RPH3AL: variants seen among roughly 807,000 people sequenced by gnomAD.
RPH3AL encodes the protein rabphilin 3A like (without C2 domains).
In RPH3AL, 38 loss-of-function variants were observed where a neutral mutation model predicts 43.1. The ratio of observed to expected loss-of-function variants is 0.88; its 90% confidence interval spans 0.68 to 1.15. The LOEUF is 1.15. RPH3AL is among the 50% of genes most tolerant of loss of function. RPH3AL has a pLI of 0.00. For missense variants in RPH3AL, 462 were observed against 423.2 expected (o/e 1.09, Z -0.81); for synonymous variants, 189 against 176.3 (o/e 1.07, Z -0.57).
At chr17:243,264 A>T (rs1363341776) in intron 7 of RPH3AL, among the ~76,000 whole-genome samples, 2 of 127,650 alleles carry the variant, frequency 1.6e-5, no homozygotes, top group African/African-American at 3.1e-5. Flanking sequence ...TCTATTGATT[A>T]CCCTTCCTCT....
At chr17:302,115 G>A (rs1330250766) in intron 5 of RPH3AL, among the ~76,000 whole-genome samples, 2 of 152,234 alleles carry the variant, frequency 1.3e-5, no homozygotes, top group Non-Finnish European at 2.9e-5. Context: ...GCACAGAGGC[G>A]AGAGCTTCGG....
In RPH3AL at chr17:293,284, G is replaced by C. The variant is rs573406315; in HGVS notation, c.352-11430C>G. Among the ~76,000 whole-genome samples, 164 of 152,330 alleles carry C rather than the reference G, an allele frequency of 1.1e-3. 1 individual carries two copies. The highest frequency in any genetic ancestry group is 3.6e-3 in the African/African-American group (150 of 41,568). On this transcript the variant is annotated intron_variant, in intron 5 of 9. Transcript: ENST00000331302. Reference sequence around the variant, plus strand: ...ACTCATGCAGTTACCACTGCGTCCCGAGTGGAGAGGAGGGTTAAAAAAGGC... The same window carrying C: ...ACTCATGCAGTTACCACTGCGTCCCCAGTGGAGAGGAGGGTTAAAAAAGGC...
intron 5 of RPH3AL, among the ~76,000 whole-genome samples, chr17:286,907 G>C (rs36047229): frequency 0.22 from 27,237 of 122,124 alleles, 2,717 homozygotes; most frequent in East Asian, 0.36. Context: ...TTCAGACCTC[G>C]CACCCTCTCT....
At chr17:314,680 GA>G (rs66531737) in intron 5 of RPH3AL, among the ~76,000 whole-genome samples, 5,228 of 35,040 alleles carry the variant, frequency 0.15, 66 homozygotes, top group East Asian at 0.19. Context: ...TAGTCTCTGT[GA>G]CTCCACCTCC....
chr17:335,083 G>A (rs940828666), intron 1 of RPH3AL, among the ~76,000 whole-genome samples: 5 of 152,226 alleles, frequency 3.3e-5, no homozygotes, highest in Admixed American at 1.3e-4. Flanking sequence ...TCCGACCCAC[G>A]GTGAGCGTGG....
chr17:312,592 G>A (rs564855525), intron 5 of RPH3AL, among the ~76,000 whole-genome samples: 17 of 152,318 alleles, frequency 1.1e-4, no homozygotes, highest in African/African-American at 2.9e-4. Context: ...TTGGTAACAC[G>A]TGTGTGGCCT....
intron 6 of RPH3AL, among the ~76,000 whole-genome samples, chr17:281,553 C>G (rs2042778871): frequency 6.6e-6 from 1 of 152,002 alleles, no homozygotes; most frequent in Non-Finnish European, 1.5e-5. Flanking sequence ...GGGGAAGTGG[C>G]CACAGGCTGT....
chr17:321,225 A>G lies in RPH3AL; in HGVS notation c.221+47T>C, dbSNP rs2044461114. 5 of 1,581,656 alleles carry G rather than the reference A, an allele frequency of 3.2e-6. No individual in the cohort carries two copies. The South Asian group carries it at 4.5e-5, about 14-fold the overall frequency. On this transcript the variant is annotated intron_variant, in intron 4 of 9. Coordinates refer to ENST00000331302, the MANE Select transcript of RPH3AL (RefSeq NM_006987.4). ...CCTCCCAGTCCCCTGCGCTTGCGCC[A>G]AAGCCCTTGCTGTCCTCCCACTGAG...
chr17:244,403 AG>A (rs1161094433), intron 7 of RPH3AL, among the ~76,000 whole-genome samples: 1 of 151,334 alleles, frequency 6.6e-6, no homozygotes, highest in Non-Finnish European at 1.5e-5. Flanking sequence ...TGTGGGATGT[AG>A]GGAGAGGGAG....
At chr17:352,021 A>G (rs770999987) in intron 1 of RPH3AL, among the ~76,000 whole-genome samples, 6 of 152,180 alleles carry the variant, frequency 3.9e-5, no homozygotes, top group South Asian at 2.1e-4. Context: ...TCAACTGGCC[A>G]CGCGGCCTTC....
chr17:300,260 T>C (rs12942161), intron 5 of RPH3AL, among the ~76,000 whole-genome samples: 40 of 47,986 alleles, frequency 8.3e-4, no homozygotes, highest in African/African-American at 2.0e-3. Context: ...CAGAATCTCT[T>C]ACCCGCTCTA....
intron 1 of RPH3AL, among the ~76,000 whole-genome samples, chr17:338,330 C>T (rs965299201): frequency 6.6e-6 from 1 of 151,880 alleles, no homozygotes; most frequent in Non-Finnish European, 1.5e-5. Flanking sequence ...GGCATGGTGG[C>T]ACATACCTGT....
At chr17:242,319 A>ACCTTCCTCTATTGATTAC (rs2041565885) in intron 7 of RPH3AL, among the ~76,000 whole-genome samples, 1 of 107,650 alleles carries the variant, frequency 9.3e-6, no homozygotes, top group African/African-American at 3.1e-5. Context: ...TCTATTGACT[A>ACCTTCCTCTATTGATTAC]CCTTCCTCTA....
chr17:320,427 G>C (rs898585036), intron 4 of RPH3AL, among the ~76,000 whole-genome samples: 4 of 152,070 alleles, frequency 2.6e-5, no homozygotes, highest in Non-Finnish European at 4.4e-5. Flanking sequence ...CTTGAGCCCA[G>C]AAGTTCGAGA....
At chr17:229,194 C>CGAG (rs2041170476) in intron 7 of RPH3AL, among the ~76,000 whole-genome samples, 2 of 152,200 alleles carry the variant, frequency 1.3e-5, no homozygotes, top group South Asian at 4.1e-4. Context: ...CCTCCTCTCC[C>CGAG]CACCCAGATG....
intron 7 of RPH3AL, among the ~76,000 whole-genome samples, chr17:221,502 C>G (rs1555530977): frequency 1.8e-5 from 1 of 55,780 alleles, no homozygotes; most frequent in Non-Finnish European, 3.2e-5. Flanking sequence ...AGCTCTGAGG[C>G]CTCCACTCAC....
intron 7 of RPH3AL, among the ~76,000 whole-genome samples, chr17:220,224 A>AG (rs2040929547): frequency 6.7e-6 from 1 of 150,210 alleles, no homozygotes. Context: ...AATAGACCCA[A>AG]AAACAACAGC....
chr17:341,102 C>A (rs916001084), intron 1 of RPH3AL: 2 of 143,536 alleles, frequency 1.4e-5, no homozygotes, highest in Admixed American at 1.4e-4. Context: ...CCAGGCCTCC[C>A]CACATCCACA....
intron 2 of RPH3AL, among the ~76,000 whole-genome samples, chr17:330,107 G>A (rs759881844): frequency 1.4e-4 from 22 of 152,156 alleles, no homozygotes; most frequent in Non-Finnish European, 2.6e-4. Flanking sequence ...TGCTTTTCTC[G>A]GCCAGTGCCA....
Sources: allele counts gnomAD v4.1 joint callset (sites outside exome capture counted in the v4.1 genomes callset), GRCh38; gene constraint gnomAD v4.1.1; transcripts MANE v1.5; gene names NCBI Gene and HGNC (gene_info 2026-07-23, HGNC 2026-07-21).